The following SEC61A2 variants were observed in gnomAD, a reference collection of about 807,000 sequenced individuals.
SEC61A2 encodes the protein SEC61 translocon subunit alpha 2.
Under a neutral mutation model 59.9 loss-of-function variants are expected in SEC61A2, and 28 were observed. The observed-to-expected ratio is 0.47, with a 90% CI of 0.35 to 0.64. The LOEUF (loss-of-function observed/expected upper bound fraction) is 0.64, where lower values mean the gene tolerates loss of function less well. SEC61A2 is among the 30% of genes least tolerant of loss of function. SEC61A2 has a pLI of 0.01. For missense variants in SEC61A2, 340 were observed against 585.9 expected (o/e 0.58, Z 4.33); for synonymous variants, 202 against 214.4 (o/e 0.94, Z 0.50).
At position 12,160,796 on chromosome 10, in the gene SEC61A2, A is replaced by C; in HGVS notation, c.976-134A>C. 1.5e-6 allele frequency: 1 copy of C among 671,912 alleles called. No homozygotes were observed. 41.6% of individuals were successfully genotyped at this position (671,912 alleles called of 1,614,324 possible). On this transcript the variant is annotated intron_variant, in intron 9 of 11. Transcript: ENST00000298428. The surrounding 1 kb of genome is among the most constrained non-coding windows in gnomAD (Gnocchi z 4.1). Reference sequence around the variant, plus strand: ...GTAGTAGACACAAAAGTACATTCTGAAACTACATAGAATGACTAGCTGTAG... The same window carrying C: ...GTAGTAGACACAAAAGTACATTCTGCAACTACATAGAATGACTAGCTGTAG...
At position 12,146,901 on chromosome 10, in the gene SEC61A2, T is replaced by C. The variant is rs1834153403; in HGVS notation, c.221-2694T>C. Among the ~76,000 whole-genome samples the C allele has an allele frequency of 1.3e-5, 2 of 151,962 alleles. 1 individual carries two copies. The highest frequency in any genetic ancestry group is 4.2e-4 in the South Asian group (2 of 4,814). On this transcript the variant is annotated intron_variant, in intron 4 of 11. Transcript: ENST00000298428. Reference sequence around the variant, plus strand: ...TTTTGTCATTTGTGTTTAATTTTTTTTTATTCTTTTGGGACAGGCTCTTGC... The same window carrying C: ...TTTTGTCATTTGTGTTTAATTTTTTCTTATTCTTTTGGGACAGGCTCTTGC...
chr10:12,167,616 C>A (rs1277895888), downstream of SEC61A2: 1 of 1,296,158 alleles, frequency 7.7e-7, no homozygotes, highest in Non-Finnish European at 1.1e-6. Context: ...AATGGCAAAT[C>A]TACATTAAAC....
At position 12,164,631 on chromosome 10, in the gene SEC61A2, T is replaced by G; in HGVS notation, c.*177T>G. 1.4e-6 allele frequency: 2 copies of G among 1,399,140 alleles called. No homozygotes were observed. The highest frequency in any genetic ancestry group is 3.2e-5 in the South Asian group (2 of 61,580). The allele number at this position is 1,399,140 out of a possible 1,614,324, so 86.7% of individuals were successfully genotyped here. ...GTCTGTGTGCAGCATTAGTACCCGC[T>G]GCCTTAAAACTCAAGTTTACATTAT... On this transcript the variant is annotated 3_prime_UTR_variant, in exon 12 of 12. Coordinates refer to ENST00000298428, the MANE Select transcript of SEC61A2 (RefSeq NM_018144.4). This position sits in a 1 kb window ranked among gnomAD's most constrained non-coding sequence, Gnocchi z 7.3.
At chr10:12,150,173 A>G (rs776939577) in intron 6 of SEC61A2, among the ~76,000 whole-genome samples, 19 of 152,230 alleles carry the variant, frequency 1.2e-4, no homozygotes, top group Non-Finnish European at 1.8e-4. Context: ...GAAAAATTCA[A>G]ATTTATTCTA....
intron 2 of SEC61A2, among the ~76,000 whole-genome samples, chr10:12,134,070 C>G (rs1347157851): frequency 6.6e-6 from 1 of 152,174 alleles, no homozygotes; most frequent in Admixed American, 6.6e-5. Flanking sequence ...GCAGTGGCGC[C>G]ATCAAGGCTC....
downstream of SEC61A2, chr10:12,166,707 T>A (rs1834705857): frequency 2.0e-6 from 1 of 508,868 alleles, no homozygotes; most frequent in East Asian, 5.8e-5. Context: ...GGGGCCAGAC[T>A]GGAAAGTCCT....
chr10:12,141,330 G>T (rs1021439484), intron 3 of SEC61A2, among the ~76,000 whole-genome samples: 3 of 152,164 alleles, frequency 2.0e-5, no homozygotes, highest in African/African-American at 7.2e-5. Flanking sequence ...GGTTGACCAG[G>T]TGAGTTGTTT....
rs1834606669 is a variant in SEC61A2 at position 12,164,191 on chromosome 10, C to G, written c.1245-77C>G. On this transcript the variant is annotated intron_variant, in intron 11 of 11. Transcript: ENST00000298428. The surrounding 1 kb of genome is among the most constrained non-coding windows in gnomAD (Gnocchi z 7.3). ...TTAGACCCAGCTATGGCTGCTGCGC[C>G]TCGACCTGTCTTCGTCTCTAGCTGC... is the stretch of plus-strand genomic sequence containing the variant. 2 of 1,541,604 alleles carry G rather than the reference C, an allele frequency of 1.3e-6. No homozygotes were observed. The highest frequency in any genetic ancestry group is 4.0e-5 in the Admixed American group (2 of 49,676).
rs1024444892 is a variant in SEC61A2 at position 12,160,319 on chromosome 10, G to A, written c.976-611G>A. On this transcript the variant is annotated intron_variant, in intron 9 of 11. Transcript: ENST00000298428. The surrounding 1 kb of genome is among the most constrained non-coding windows in gnomAD (Gnocchi z 4.1). ...TCAAGAACCAGATACTGTAATCATC[G>A]CAACTAAAAATTGGTTTCTCACCCC... 5.3e-5 allele frequency among the ~76,000 whole-genome samples: 8 copies of A among 152,090 alleles called. No individual in the cohort carries two copies. Among genetic ancestry groups the A allele is most frequent in the Admixed American group, 2.0e-4 (3 of 15,276 alleles).
In SEC61A2 at chr10:12,160,782, A is replaced by G. The variant is rs1017154828; in HGVS notation, c.976-148A>G. On this transcript the variant is annotated intron_variant, in intron 9 of 11. Transcript: ENST00000298428. The surrounding 1 kb of genome is among the most constrained non-coding windows in gnomAD (Gnocchi z 4.1). The stretch of plus-strand genomic sequence containing the variant: ...TTGAAGGAGTGAAGGTAGTAGACAC[A>G]AAAGTACATTCTGAAACTACATAGA... 1 of 601,010 alleles carries G rather than the reference A, an allele frequency of 1.7e-6. No individual in the cohort carries two copies. The highest frequency in any genetic ancestry group is 2.9e-6 in the Non-Finnish European group (1 of 349,712). 37.2% of individuals were successfully genotyped at this position (601,010 alleles called of 1,614,324 possible). A position where few individuals can be genotyped will look rare whatever the true frequency, so the allele number is the denominator to read the frequency against.
In SEC61A2 at chr10:12,157,003, A is replaced by G; in HGVS notation, c.713A>G (p.Asn238Ser). ...RALREAFYRQ[N>S]LPNLMNLIAT... ...TTACGGGAGGCTTTTTATCGGCAGA[A>G]CTTACCCAATCTCATGAACCTCATT... Residue 238 changes from asparagine to serine, a missense_variant, in exon 8 of 12, where the codon AAC becomes AGC. Coordinates refer to ENST00000298428, the MANE Select transcript of SEC61A2 (RefSeq NM_018144.4). 6.2e-7 allele frequency: 1 copy of G among 1,614,094 alleles called. No homozygotes were observed. Among genetic ancestry groups the G allele is most frequent in the South Asian group, 1.1e-5 (1 of 91,076 alleles).
Position 12,129,755 on chromosome 10 carries a change from G to T in SEC61A2, c.-33G>T. On this transcript the variant is annotated 5_prime_UTR_variant, in exon 1 of 12. Coordinates refer to ENST00000298428, the MANE Select transcript of SEC61A2 (RefSeq NM_018144.4). This position sits in a 1 kb window ranked among gnomAD's most constrained non-coding sequence, Gnocchi z 5.6. The stretch of plus-strand genomic sequence containing the variant: ...GTCGAGCGAAGGCAGCGCCGAGGCC[G>T]CGGTTTCCCCCTGGGCCTCCCCAGC... 1 of 1,488,840 alleles carries T rather than the reference G, an allele frequency of 6.7e-7. No individual in the cohort carries two copies. The highest frequency in any genetic ancestry group is 1.4e-5 in the African/African-American group (1 of 69,228). 92.2% of individuals were successfully genotyped at this position (1,488,840 alleles called of 1,614,324 possible).
At chr10:12,132,222 A>AC (rs1190497829) in intron 1 of SEC61A2, among the ~76,000 whole-genome samples, 1 of 151,312 alleles carries the variant, frequency 6.6e-6, no homozygotes, top group Admixed American at 6.6e-5. Flanking sequence ...AATCACTTGA[A>AC]CCCGGGGGGC....
intron 1 of SEC61A2, among the ~76,000 whole-genome samples, chr10:12,131,329 G>C (rs1833732798): frequency 6.6e-6 from 1 of 152,154 alleles, no homozygotes; most frequent in Non-Finnish European, 1.5e-5. Context: ...AGTGTCTGTA[G>C]GGGAAGAAAA....
intron 4 of SEC61A2, among the ~76,000 whole-genome samples, chr10:12,148,603 G>T (rs921480396): frequency 6.7e-6 from 1 of 150,174 alleles, no homozygotes; most frequent in Non-Finnish European, 1.5e-5. Context: ...GCAGTGGTGC[G>T]ATCTTGGTTC....
chr10:12,165,001 C>G lies in SEC61A2; in HGVS notation c.*547C>G. On this transcript the variant is annotated 3_prime_UTR_variant, in exon 12 of 12. Coordinates refer to ENST00000298428, the MANE Select transcript of SEC61A2 (RefSeq NM_018144.4). ...GCCACTTAGCCCACATGGGCGAAAT[C>G]AAGTCTCCAGTTATTTCTGCCACAA... 3 of 979,952 alleles carry G rather than the reference C, an allele frequency of 3.1e-6. No individual in the cohort carries two copies. The highest frequency in any genetic ancestry group is 3.6e-6 in the Non-Finnish European group (3 of 828,550). The allele number at this position is 979,952 out of a possible 1,614,324, so 60.7% of individuals were successfully genotyped here.
chr10:12,141,713 G>A (rs1177193521), intron 3 of SEC61A2, among the ~76,000 whole-genome samples: 4 of 152,072 alleles, frequency 2.6e-5, no homozygotes, highest in African/African-American at 7.2e-5. Context: ...TTCGTACTTC[G>A]TTTTTATACT....
rs762761120 is a variant in SEC61A2, at chr10:12,155,509, A to G, written c.463-269A>G. 3.6e-5 allele frequency: 25 copies of G among 695,644 alleles called. No homozygotes were observed. The highest frequency in any genetic ancestry group is 5.3e-5 in the Non-Finnish European group (23 of 431,882). The allele number at this position is 695,644 out of a possible 1,614,324, so 43.1% of individuals were successfully genotyped here. On this transcript the variant is annotated intron_variant, in intron 6 of 11. Transcript: ENST00000298428. This position sits in a 1 kb window ranked among gnomAD's most constrained non-coding sequence, Gnocchi z 4.3. ...AAACAGGCTTTATTTAAACATTGCA[A>G]AAGAAACTATTCAGATAAGTGTAAA...
rs1161592292 is a variant in SEC61A2 at position 12,143,122 on chromosome 10, A to G, written c.147A>G (p.Pro49=). ...LFIFLVCCQI[P]LFGIMSSDSA... is the part of the protein sequence containing the mutation. ...TATTTTGTGTACTATTTTAGATCCCACTGTTTGGAATCATGTCATCAGATT... is the reference window on the plus strand; with the variant it reads ...TATTTTGTGTACTATTTTAGATCCCGCTGTTTGGAATCATGTCATCAGATT... The change falls in exon 4 of 12, where the codon CCA becomes CCG. Residue 49 remains proline, a synonymous_variant. Coordinates refer to ENST00000298428, the MANE Select transcript of SEC61A2 (RefSeq NM_018144.4). This position sits in a 1 kb window ranked among gnomAD's most constrained non-coding sequence, Gnocchi z 4.8. 6.2e-7 allele frequency: 1 copy of G among 1,609,822 alleles called. No individual in the cohort carries two copies. Among genetic ancestry groups the G allele is most frequent in the Non-Finnish European group, 8.5e-7 (1 of 1,176,124 alleles).
Sources: allele counts gnomAD v4.1 joint callset (sites outside exome capture counted in the v4.1 genomes callset), GRCh38; gene constraint gnomAD v4.1.1; non-coding constraint Gnocchi (gnomAD v3.1); transcripts MANE v1.5; gene names NCBI Gene and HGNC (gene_info 2026-07-23, HGNC 2026-07-21).